The following MAST2 variants were observed in gnomAD, a reference collection of about 807,000 sequenced individuals.
MAST2 encodes microtubule-associated serine/threonine-protein kinase 2.
Under a neutral mutation model 147.4 loss-of-function variants are expected in MAST2, and 70 were observed. The ratio of observed to expected loss-of-function variants is 0.47; its 90% CI spans 0.39 to 0.58. MAST2 has a LOEUF of 0.58. Among genes scored for constraint, MAST2 ranks in the 20% least tolerant of loss-of-function variants. The probability of loss-of-function intolerance (pLI) is 0.00; values close to 1 mark genes in which losing one functional copy is unlikely to be tolerated. For missense variants in MAST2, 2,080 were observed against 2,302.3 expected, an observed-to-expected ratio of 0.90 and a Z score of 1.98; for synonymous variants, 869 against 896.8, an observed-to-expected ratio of 0.97 and a Z score of 0.55.
At chr1:45,886,345 C>CACAT (rs1327846364) in intron 4 of MAST2, among the ~76,000 whole-genome samples, 1 of 132,122 alleles carries the variant, frequency 7.6e-6, no homozygotes, top group Non-Finnish European at 1.6e-5. Context: ...CACACACACA[C>CACAT]ACATTTATAG....
intron 10 of MAST2, among the ~76,000 whole-genome samples, chr1:46,017,452 C>T (rs1397048539): frequency 3.9e-5 from 6 of 152,182 alleles, no homozygotes; most frequent in Non-Finnish European, 8.8e-5. Context: ...TATCCAGAAT[C>T]TACAATGAAC....
chr1:45,975,676 C>CA (rs372155048), intron 5 of MAST2, among the ~76,000 whole-genome samples: 24,289 of 111,988 alleles, frequency 0.22, 2,810 homozygotes, highest in Non-Finnish European at 0.28. Context: ...GACTCTGTCT[C>CA]AAAAAAAAAA....
chr1:46,028,959 G>A (rs977419455), intron 18 of MAST2, 26 bp downstream of exon 18: 2 of 1,531,338 alleles, frequency 1.3e-6, no homozygotes, highest in African/African-American at 1.4e-5. Flanking sequence ...CTGGCCCAGT[G>A]GGGAAACAGA....
At position 45,907,719 on chromosome 1, in the gene MAST2, C is replaced by T. The variant is rs1651003341; in HGVS notation, c.500+25324C>T. Among the ~76,000 whole-genome samples the T allele has an allele frequency of 2.6e-5, 4 of 152,172 alleles. No individual in the cohort carries two copies. The South Asian group carries it at 8.3e-4, about 32-fold the overall frequency. On this transcript the variant is annotated intron_variant, in intron 4 of 28. Transcript: ENST00000361297. Reference sequence around the variant, plus strand: ...ACTCTGTGCCCATTAAGCAGTAACACCCTTCTTCCCTTACCCCAGGCCTTG... The same window carrying T: ...ACTCTGTGCCCATTAAGCAGTAACATCCTTCTTCCCTTACCCCAGGCCTTG...
At chr1:45,913,923 A>G in intron 4 of MAST2, 1 of 1,164,768 alleles carries the variant, frequency 8.6e-7, no homozygotes, top group South Asian at 1.7e-5. Flanking sequence ...GATGTCAGGA[A>G]AAAAAACTAA....
intron 4 of MAST2, among the ~76,000 whole-genome samples, chr1:45,922,435 C>T (rs1653663652): frequency 6.6e-6 from 1 of 152,214 alleles, no homozygotes; most frequent in African/African-American, 2.4e-5. Flanking sequence ...GTCCTCAGTG[C>T]ACCCCTCAGC....
intron 1 of MAST2, among the ~76,000 whole-genome samples, chr1:45,809,716 C>T (rs1215752091): frequency 6.6e-6 from 1 of 152,150 alleles, no homozygotes; most frequent in African/African-American, 2.4e-5. Context: ...GTTGTTTTTC[C>T]ACATGGGATC....
chr1:46,022,302 A>G (rs1196680607), intron 12 of MAST2, among the ~76,000 whole-genome samples: 1 of 152,234 alleles, frequency 6.6e-6, no homozygotes, highest in Non-Finnish European at 1.5e-5. Context: ...CCTGGATTGC[A>G]TTGGCCCGGC....
intron 9 of MAST2, among the ~76,000 whole-genome samples, chr1:46,009,795 T>C (rs376283093): frequency 2.6e-5 from 4 of 152,170 alleles, no homozygotes; most frequent in African/African-American, 9.7e-5. Flanking sequence ...TCATTCTCCA[T>C]GTAGACACAC....
chr1:45,840,609 G>A (rs1237025267), intron 3 of MAST2, among the ~76,000 whole-genome samples: 1 of 152,104 alleles, frequency 6.6e-6, no homozygotes, highest in African/African-American at 2.4e-5. Context: ...ATTTAAAATA[G>A]CATAGTGCCA....
intron 4 of MAST2, among the ~76,000 whole-genome samples, chr1:45,906,388 A>T (rs1231881851): frequency 6.6e-6 from 1 of 151,978 alleles, no homozygotes; most frequent in Non-Finnish European, 1.5e-5. Context: ...TAAATTTAAA[A>T]TTTAAAAATA....
At chr1:45,917,234 C>A in intron 4 of MAST2, 1 of 621,942 alleles carries the variant, frequency 1.6e-6, no homozygotes, top group Non-Finnish European at 2.4e-6. Context: ...TGACCACTTA[C>A]TTTTCTTGAG....
At chr1:45,973,517 T>C (rs1021863380) in intron 5 of MAST2, among the ~76,000 whole-genome samples, 2 of 152,204 alleles carry the variant, frequency 1.3e-5, no homozygotes, top group Non-Finnish European at 2.9e-5. Flanking sequence ...TATGTTTGTC[T>C]TGATTTCAAG....
At chr1:46,020,517 C>A (rs551050905) in intron 11 of MAST2, among the ~76,000 whole-genome samples, 72 of 152,280 alleles carry the variant, frequency 4.7e-4, no homozygotes, top group Non-Finnish European at 8.2e-4. Context: ...GCCGCATTTA[C>A]TTTTTTCTTA....
chr1:45,853,142 C>T (rs1057253425), intron 3 of MAST2, among the ~76,000 whole-genome samples: 7 of 151,970 alleles, frequency 4.6e-5, no homozygotes, highest in Non-Finnish European at 7.4e-5. Flanking sequence ...GTTGGTCAGG[C>T]TGGTCTCGAA....
chr1:46,024,280 CAGCAG>C (rs1646310731), intron 15 of MAST2: 1 of 369,914 alleles, frequency 2.7e-6, no homozygotes, highest in Non-Finnish European at 5.2e-6. Flanking sequence ...ACAGAGGAGG[CAGCAG>C]AGCTACAAAA....
At chr1:45,852,154 A>G (rs1645641551) in intron 3 of MAST2, among the ~76,000 whole-genome samples, 1 of 152,110 alleles carries the variant, frequency 6.6e-6, no homozygotes, top group Non-Finnish European at 1.5e-5. Flanking sequence ...CTTTATATAC[A>G]CTTGTATATG....
chr1:45,961,588 T>A (rs369216717), intron 5 of MAST2, among the ~76,000 whole-genome samples: 2 of 152,208 alleles, frequency 1.3e-5, no homozygotes, highest in African/African-American at 4.8e-5. Flanking sequence ...CTTAGTACTT[T>A]ACAAATGTTA....
chr1:45,935,923 CTG>C (rs778004608), intron 4 of MAST2, among the ~76,000 whole-genome samples: 1 of 152,150 alleles, frequency 6.6e-6, no homozygotes, highest in African/African-American at 2.4e-5. Context: ...TTCTCTAACT[CTG>C]TGAAAAACGT....
Sources: allele counts gnomAD v4.1 joint callset (sites outside exome capture counted in the v4.1 genomes callset), GRCh38; gene constraint gnomAD v4.1.1; transcripts MANE v1.5; gene names NCBI Gene and HGNC (gene_info 2026-07-23, HGNC 2026-07-21).